Variants in ACYP2 observed in about 807,000 individuals in gnomAD.
ACYP2 encodes the protein acylphosphatase 2, also known as acylphosphatase-2.
In ACYP2, 12 loss-of-function variants were observed where a neutral mutation model predicts 11.2. The observed-to-expected ratio is 1.08, with a 90% CI of 0.69 to 1.74. The LOEUF (loss-of-function observed/expected upper bound fraction) is 1.74, where lower values mean the gene tolerates loss of function less well. ACYP2 is among the 40% of genes most tolerant of loss of function. ACYP2 has a pLI of 0.00. For synonymous variants in ACYP2, 43 were observed against 32.2 expected, an observed-to-expected ratio of 1.33 and a Z score of -1.13; for missense variants, 134 against 101.9, an observed-to-expected ratio of 1.31 and a Z score of -1.35.
At chr2:53,991,772 T>G (rs1672308245) in intron 2 of ACYP2, among the ~76,000 whole-genome samples, 1 of 152,004 alleles carries the variant, frequency 6.6e-6, no homozygotes, top group Non-Finnish European at 1.5e-5. Context: ...TTCTCTCAAT[T>G]TTTTTTAAGT....
chr2:54,010,124 A>G (rs1407993450), intron 2 of ACYP2, among the ~76,000 whole-genome samples: 1 of 152,174 alleles, frequency 6.6e-6, no homozygotes, highest in African/African-American at 2.4e-5. Context: ...AGCAGATTTG[A>G]TATCCTAGGA....
intron 2 of ACYP2, among the ~76,000 whole-genome samples, chr2:53,998,070 T>C (rs895031020): frequency 6.6e-6 from 1 of 152,246 alleles, no homozygotes; most frequent in Non-Finnish European, 1.5e-5. Flanking sequence ...CTGTCTCTTT[T>C]ATCTGAGTTT....
chr2:54,037,670 A>G (rs987533043), intron 2 of ACYP2, among the ~76,000 whole-genome samples: 1 of 152,188 alleles, frequency 6.6e-6, no homozygotes, highest in Non-Finnish European at 1.5e-5. Flanking sequence ...ACCCTCCCAA[A>G]GTGCTGGGAT....
Position 54,207,063 on chromosome 2 carries a change from G to A in ACYP2, c.404+68315G>A, listed in dbSNP as rs565003673. The stretch of plus-strand genomic sequence containing the variant: ...ATGTATATATATGTATATATGTAGA[G>A]GGAAAGTATGTGTCTGTATATATGT... On this transcript the variant is annotated intron_variant, in intron 6 of 6. Transcript: ENST00000607452. 2.0e-5 allele frequency among the ~76,000 whole-genome samples: 3 copies of A among 151,500 alleles called. No homozygotes were observed. The South Asian group carries it at 6.3e-4, about 32-fold the overall frequency.
At chr2:53,999,136 A>G (rs143366350) in intron 2 of ACYP2, among the ~76,000 whole-genome samples, 2 of 152,330 alleles carry the variant, frequency 1.3e-5, no homozygotes, top group East Asian at 1.9e-4. Flanking sequence ...GAAAAAAAGT[A>G]AAAGGAATTC....
chr2:54,103,135 C>T (rs1302187536), intron 4 of ACYP2, among the ~76,000 whole-genome samples: 1 of 151,650 alleles, frequency 6.6e-6, no homozygotes, highest in Non-Finnish European at 1.5e-5. Flanking sequence ...AGAGTGGATA[C>T]TGTGCCAGCA....
intron 4 of ACYP2, among the ~76,000 whole-genome samples, chr2:54,064,806 G>A (rs1018138968): frequency 3.3e-5 from 5 of 152,084 alleles, no homozygotes; most frequent in Admixed American, 1.3e-4. Context: ...TAGGGGGACC[G>A]CCAGCACGGT....
intron 2 of ACYP2, among the ~76,000 whole-genome samples, chr2:53,996,128 C>G (rs981986027): frequency 1.3e-5 from 2 of 151,828 alleles, no homozygotes; most frequent in African/African-American, 4.8e-5. Flanking sequence ...GAGCGAAACT[C>G]TGTCCCCACC....
rs1002341177 is a variant in ACYP2, at chr2:53,995,472, T to C, written c.62+21662T>C. Among the ~76,000 whole-genome samples, 3 of 142,090 alleles carry C rather than the reference T, an allele frequency of 2.1e-5. No homozygotes were observed. The East Asian group carries it at 6.0e-4, about 28-fold the overall frequency. 93.2% of individuals were successfully genotyped at this position (142,090 alleles called of 152,430 possible). A position where few individuals can be genotyped will look rare whatever the true frequency, so the allele number is the denominator to read the frequency against. On this transcript the variant is annotated intron_variant, in intron 2 of 6. Transcript: ENST00000607452. ...CAATTAATTCAATGCTATTATTTTT[T>C]ATTTATTTATTTATTTTTTATTTAT...
intron 6 of ACYP2, among the ~76,000 whole-genome samples, chr2:54,226,437 C>T (rs912455766): frequency 6.6e-6 from 1 of 151,920 alleles, no homozygotes; most frequent in African/African-American, 2.4e-5. Context: ...ATTTACAGTA[C>T]AGAACTTTCA....
At chr2:54,270,840 C>G (rs1688264917) in intron 6 of ACYP2, among the ~76,000 whole-genome samples, 6 of 152,146 alleles carry the variant, frequency 3.9e-5, no homozygotes, top group Non-Finnish European at 7.4e-5. Flanking sequence ...TGTGGAATTT[C>G]AATATTTAAC....
chr2:54,097,070 A>T (rs542888987), intron 4 of ACYP2, among the ~76,000 whole-genome samples: 1 of 152,220 alleles, frequency 6.6e-6, no homozygotes, highest in Non-Finnish European at 1.5e-5. Flanking sequence ...ATCCATGAAC[A>T]TAATTAAAAA....
intron 2 of ACYP2, among the ~76,000 whole-genome samples, chr2:53,986,327 G>A (rs1196298896): frequency 2.8e-5 from 4 of 144,496 alleles, no homozygotes; most frequent in Non-Finnish European, 6.0e-5. Flanking sequence ...GCAGAACCTT[G>A]AGCCAAGTAA....
chr2:54,132,381 T>G (rs1329588988), intron 4 of ACYP2, among the ~76,000 whole-genome samples: 1 of 152,198 alleles, frequency 6.6e-6, no homozygotes, highest in Non-Finnish European at 1.5e-5. Context: ...TCCTCCACAT[T>G]GAACATCTAT....
At chr2:54,057,199 A>T in intron 3 of ACYP2, 1 of 397,186 alleles carries the variant, frequency 2.5e-6, no homozygotes, top group South Asian at 1.3e-4. Flanking sequence ...TTTCTTGGTG[A>T]TGAACTTTTT....
Position 54,157,864 on chromosome 2 carries a change from G to C in ACYP2, c.404+19116G>C, listed in dbSNP as rs115380631. On this transcript the variant is annotated intron_variant, in intron 6 of 6. Transcript: ENST00000607452. ...GAGGCTGTCAGTGCAGAGGGTCTGG[G>C]AAGAGCTTTCTGTGCAGAGGCAACA... Among the ~76,000 whole-genome samples the C allele has an allele frequency of 2.1e-3, 319 of 152,306 alleles. 3 individuals carry two copies. Among genetic ancestry groups the C allele is most frequent in the African/African-American group, 7.2e-3 (300 of 41,562 alleles).
chr2:54,027,837 C>CTTTTTTTTTTTTTTTTTTTTT (rs34122179), intron 2 of ACYP2, among the ~76,000 whole-genome samples: 1 of 97,892 alleles, frequency 1.0e-5, no homozygotes, highest in Non-Finnish European at 1.9e-5. Context: ...TTCTTTCTTT[C>CTTTTTTTTTTTTTTTTTTTTT]TTTTTTTTTT....
chr2:54,061,345 T>A (rs1676460880), intron 4 of ACYP2, among the ~76,000 whole-genome samples: 1 of 152,240 alleles, frequency 6.6e-6, no homozygotes, highest in South Asian at 2.1e-4. Flanking sequence ...AAACTTCCCC[T>A]TCCCCAATTT....
At chr2:54,095,538 ACGGGG>A (rs1429371390) in intron 4 of ACYP2, among the ~76,000 whole-genome samples, 2 of 147,610 alleles carry the variant, frequency 1.4e-5, no homozygotes, top group African/African-American at 5.1e-5. Flanking sequence ...TCCCTCCCGG[ACGGGG>A]CAGCTGGCTG....
Sources: gnomAD v4.1 joint callset for allele counts (sites outside exome capture counted in the v4.1 genomes callset) on GRCh38, gnomAD v4.1.1 for gene constraint, MANE v1.5 for transcripts, NCBI Gene and HGNC (gene_info 2026-07-23, HGNC 2026-07-21) for gene names.